The following HERC3 variants were observed in gnomAD, a reference collection of about 807,000 sequenced individuals.
The protein encoded by HERC3 is HECT and RLD domain containing E3 ubiquitin protein ligase 3.
In HERC3, 58 loss-of-function variants were observed where a neutral mutation model predicts 129.9. The observed-to-expected ratio is 0.45, with a 90% CI of 0.36 to 0.56. The LOEUF (loss-of-function observed/expected upper bound fraction) is 0.56. HERC3 is among the 20% of genes least tolerant of loss of function. The probability of loss-of-function intolerance (pLI) is 0.00; values close to 1 mark genes in which losing one functional copy is unlikely to be tolerated. For synonymous variants in HERC3, 430 were observed against 451.0 expected (o/e 0.95, Z 0.59); for missense variants, 835 against 1,244.2 (o/e 0.67, Z 4.95).
the HERC3 span, among the ~76,000 whole-genome samples, chr4:88,582,000 A>G: frequency 6.6e-6 from 1 of 152,160 alleles, no homozygotes; most frequent in African/African-American, 2.4e-5. Context: ...TTGATGTCTA[A>G]CTGAAATGTT....
intron 23 of HERC3, chr4:88,697,786 G>C (rs558018410): frequency 1.3e-6 from 2 of 1,555,016 alleles, no homozygotes; most frequent in Non-Finnish European, 1.7e-6. Context: ...GTCTAGGAGG[G>C]CTCCCGCAGA....
chr4:88,633,804 TTAAAAG>T (rs767368555), intron 3 of HERC3, among the ~76,000 whole-genome samples: 10 of 152,120 alleles, frequency 6.6e-5, no homozygotes, highest in Non-Finnish European at 1.0e-4. Context: ...TGGAAGATTA[TTAAAAG>T]TAAAAGAATA....
chr4:88,641,325 A>G (rs72663453), intron 3 of HERC3, among the ~76,000 whole-genome samples: 3,809 of 152,330 alleles, frequency 0.025, 75 homozygotes, highest in Admixed American at 0.035. Flanking sequence ...CTTAGAGAGA[A>G]CTTTGTGGCA....
At chr4:88,691,105 T>C (rs567302472) in intron 23 of HERC3, among the ~76,000 whole-genome samples, 1 of 152,314 alleles carries the variant, frequency 6.6e-6, no homozygotes, top group East Asian at 1.9e-4. Flanking sequence ...GATATAAACA[T>C]GAAAGGTGCT....
chr4:88,565,402 A>T, the HERC3 span, among the ~76,000 whole-genome samples: 1 of 152,104 alleles, frequency 6.6e-6, no homozygotes, highest in African/African-American at 2.4e-5. Context: ...TTTGCTTTAT[A>T]TACCTTTGTG....
intron 23 of HERC3, chr4:88,693,572 A>G (rs952855067): frequency 2.6e-5 from 25 of 944,176 alleles, no homozygotes; most frequent in African/African-American, 3.6e-5. Context: ...GTTGCACAGC[A>G]TTATGAATGT....
In HERC3 at chr4:88,704,248, G is replaced by T; in HGVS notation, c.2808G>T (p.Gly936=). Residue 936 remains glycine, a synonymous_variant, in exon 24 of 26, where the codon GGG becomes GGT. Coordinates refer to ENST00000402738, the MANE Select transcript of HERC3 (RefSeq NM_014606.3). ...CAGAACTGAGGGCTATGATGGTGGG[G>T]AACAGCAACTACAACTGGGAAGAAC... ...QPSELRAMMV[G]NSNYNWEELE... is the part of the protein sequence containing the mutation. 6.2e-7 allele frequency: 1 copy of T among 1,614,038 alleles called. No individual in the cohort carries two copies.
In HERC3 at chr4:88,658,467, T is replaced by G; in HGVS notation, c.1122T>G (p.Thr374=). The G allele has an allele frequency of 6.2e-7, 1 of 1,603,574 alleles. No individual in the cohort carries two copies. The highest frequency in any genetic ancestry group is 8.5e-7 in the Non-Finnish European group (1 of 1,172,332). The change falls in exon 10 of 26, where the codon ACT becomes ACG. Residue 374 remains threonine (T), a synonymous_variant. Coordinates refer to ENST00000402738, the MANE Select transcript of HERC3 (RefSeq NM_014606.3). ...AGATCTTCTCTGGAGGAGACCAGAC[T>G]TTTGTACTTTGCTCCAAATACGAGG... The part of the protein sequence containing the change: ...VKQIFSGGDQ[T]FVLCSKYENY...
At chr4:88,524,152 C>T in the HERC3 span, among the ~76,000 whole-genome samples, 1,957 of 152,262 alleles carry the variant, frequency 0.013, 44 homozygotes, top group African/African-American at 0.044. Flanking sequence ...GTATTGAAAG[C>T]GCTCATTTGT....
chr4:88,559,002 C>A, the HERC3 span, among the ~76,000 whole-genome samples: 2 of 150,772 alleles, frequency 1.3e-5, no homozygotes, highest in Non-Finnish European at 3.0e-5. Flanking sequence ...TTGAGAGATT[C>A]TTTTTCTTAA....
chr4:88,563,678 A>G, the HERC3 span, among the ~76,000 whole-genome samples: 2 of 142,828 alleles, frequency 1.4e-5, no homozygotes, highest in East Asian at 4.0e-4. Flanking sequence ...TTTTTTTTAG[A>G]CGGAGTTTTG....
At chr4:88,539,490 A>G in the HERC3 span, among the ~76,000 whole-genome samples, 2 of 152,222 alleles carry the variant, frequency 1.3e-5, no homozygotes, top group Non-Finnish European at 2.9e-5. Context: ...CTCTGTGGGC[A>G]GGGCATAGCT....
intron 21 of HERC3, among the ~76,000 whole-genome samples, chr4:88,682,720 CATT>C (rs1424847567): frequency 6.6e-6 from 1 of 152,108 alleles, no homozygotes; most frequent in Non-Finnish European, 1.5e-5. Context: ...TCCAGTCTAT[CATT>C]GTTGGACATT....
chr4:88,595,887 C>T (rs893537230), intron 2 of HERC3, among the ~76,000 whole-genome samples: 5 of 130,236 alleles, frequency 3.8e-5, no homozygotes, highest in East Asian at 2.3e-4. Context: ...GTCTGGCTGT[C>T]GCCCACGCTG....
chr4:88,659,042 G>T (rs909220256), intron 10 of HERC3, among the ~76,000 whole-genome samples: 29 of 152,212 alleles, frequency 1.9e-4, no homozygotes, highest in Admixed American at 1.1e-3. Flanking sequence ...TGAAGGTAGA[G>T]TGTGGATCCA....
At chr4:88,554,074 G>C in the HERC3 span, among the ~76,000 whole-genome samples, 1 of 152,190 alleles carries the variant, frequency 6.6e-6, no homozygotes, top group African/African-American at 2.4e-5. Flanking sequence ...TCAGCTGGGC[G>C]TGGTGGCTCA....
At chr4:88,691,191 A>G (rs1358724178) in intron 23 of HERC3, among the ~76,000 whole-genome samples, 1 of 152,240 alleles carries the variant, frequency 6.6e-6, no homozygotes, top group Non-Finnish European at 1.5e-5. Flanking sequence ...TTCAAGATGT[A>G]CAGAACAGCT....
At chr4:88,529,598 A>G in the HERC3 span, among the ~76,000 whole-genome samples, 12 of 152,284 alleles carry the variant, frequency 7.9e-5, no homozygotes, top group South Asian at 8.3e-4. Flanking sequence ...TACTAAAAAT[A>G]GAAAAATTAG....
chr4:88,616,904 C>T (rs909124962), intron 3 of HERC3, among the ~76,000 whole-genome samples: 3 of 151,994 alleles, frequency 2.0e-5, no homozygotes, highest in Non-Finnish European at 4.4e-5. Flanking sequence ...TTTATTCTTC[C>T]TGCCAAATCT....
Sources: allele counts gnomAD v4.1 joint callset (sites outside exome capture counted in the v4.1 genomes callset), GRCh38; gene constraint gnomAD v4.1.1; transcripts MANE v1.5; gene names NCBI Gene and HGNC (gene_info 2026-07-23, HGNC 2026-07-21).